Variants in EPB41L2 observed in about 807,000 individuals in gnomAD.
EPB41L2 encodes erythrocyte membrane protein band 4.1 like 2.
EPB41L2 carries 43 observed loss-of-function variants against 113.0 expected under a neutral mutation model. That is an observed-to-expected ratio of 0.38 (90% CI 0.30 to 0.49). The LOEUF (loss-of-function observed/expected upper bound fraction) is 0.49, where lower values mean the gene tolerates loss of function less well. Among genes scored for constraint, EPB41L2 ranks in the 20% least tolerant of loss-of-function variants. EPB41L2 has a pLI of 0.95. For synonymous variants in EPB41L2, 442 were observed against 436.7 expected, an observed-to-expected ratio of 1.01 and a Z score of -0.15; for missense variants, 1,147 against 1,223.4, an observed-to-expected ratio of 0.94 and a Z score of 0.93.
intron 19 of EPB41L2, among the ~76,000 whole-genome samples, chr6:130,856,339 T>C (rs1780206194): frequency 6.6e-6 from 1 of 152,160 alleles, no homozygotes; most frequent in Non-Finnish European, 1.5e-5. Flanking sequence ...GATCAGTATG[T>C]AGAATCTATC....
intron 3 of EPB41L2, among the ~76,000 whole-genome samples, chr6:130,938,686 AT>A (rs1275854988): frequency 6.6e-6 from 1 of 152,006 alleles, no homozygotes; most frequent in African/African-American, 2.4e-5. Flanking sequence ...AAATGCCTTT[AT>A]TTTTTTACTT....
intron 2 of EPB41L2, 151 bp downstream of exon 2, chr6:130,955,843 G>A (rs543174222): frequency 7.4e-7 from 1 of 1,349,940 alleles, no homozygotes; most frequent in East Asian, 2.3e-5. Context: ...AAAGGCTATG[G>A]TAGACCAATC....
At position 130,916,365 on chromosome 6, in the gene EPB41L2, G is replaced by A. The variant is rs183036240; in HGVS notation, c.811-7502C>T. Among the ~76,000 whole-genome samples, 25 of 151,952 alleles carry A rather than the reference G, an allele frequency of 1.6e-4. No individual in the cohort carries two copies. In the East Asian group the frequency reaches 3.7e-3, roughly 22 times the overall value. ...ATTTCCCCTACAACATTTTCATTAC[G>A]GGTTCCCAGAAAAAGTGTTAAACAT... On this transcript the variant is annotated intron_variant, in intron 4 of 19. Transcript: ENST00000337057.
At chr6:130,920,307 T>G (rs1463773561) in intron 4 of EPB41L2, among the ~76,000 whole-genome samples, 1 of 152,198 alleles carries the variant, frequency 6.6e-6, no homozygotes, top group African/African-American at 2.4e-5. Context: ...CTCTTTCAAG[T>G]GATCAATAGC....
intron 5 of EPB41L2, among the ~76,000 whole-genome samples, chr6:130,907,663 T>TA (rs1257769905): frequency 6.6e-6 from 1 of 150,692 alleles, no homozygotes; most frequent in Non-Finnish European, 1.5e-5. Context: ...ATGCTCAGAA[T>TA]AAAAAAAGAG....
At chr6:130,949,890 CCTT>C (rs1279237512) in intron 3 of EPB41L2, among the ~76,000 whole-genome samples, 4 of 152,188 alleles carry the variant, frequency 2.6e-5, no homozygotes, top group East Asian at 1.9e-4. Context: ...TATTTTCTCT[CCTT>C]CTTATTTTTT....
At chr6:131,029,200 T>A (rs1791520369) in intron 1 of EPB41L2, among the ~76,000 whole-genome samples, 1 of 152,122 alleles carries the variant, frequency 6.6e-6, no homozygotes, top group South Asian at 2.1e-4. Flanking sequence ...TCTCTCTACT[T>A]CCCAAAATTC....
chr6:130,849,439 T>C (rs1250657607), intron 19 of EPB41L2, among the ~76,000 whole-genome samples: 1 of 152,192 alleles, frequency 6.6e-6, no homozygotes, highest in Non-Finnish European at 1.5e-5. Context: ...AAATGTAGCA[T>C]TTGTGACTAA....
At chr6:130,853,222 C>T (rs1204152376) in intron 19 of EPB41L2, among the ~76,000 whole-genome samples, 1 of 152,188 alleles carries the variant, frequency 6.6e-6, no homozygotes, top group South Asian at 2.1e-4. Context: ...CAGGTGCTCA[C>T]TGATTTTGGA....
intron 14 of EPB41L2, chr6:130,876,743 T>C: frequency 7.7e-7 from 1 of 1,304,146 alleles, no homozygotes; most frequent in South Asian, 1.2e-5. Context: ...CCTTCACGGA[T>C]AAAATATCCT....
intron 1 of EPB41L2, among the ~76,000 whole-genome samples, chr6:131,001,313 G>GAGCGCA (rs1554328968): frequency 6.6e-6 from 1 of 151,712 alleles, no homozygotes; most frequent in Non-Finnish European, 1.5e-5. Flanking sequence ...GAGCAAGAGA[G>GAGCGCA]AGGGCAAGGG....
intron 1 of EPB41L2, among the ~76,000 whole-genome samples, chr6:131,060,802 G>C (rs1798502826): frequency 6.6e-6 from 1 of 151,854 alleles, no homozygotes; most frequent in Admixed American, 6.6e-5. Flanking sequence ...TTATTTTTTT[G>C]GTGGCCTCTC....
chr6:131,054,221 T>C (rs1391147210), intron 1 of EPB41L2, among the ~76,000 whole-genome samples: 2 of 152,192 alleles, frequency 1.3e-5, no homozygotes, highest in African/African-American at 2.4e-5. Flanking sequence ...TTCATCTCCT[T>C]ATGTTGTCAA....
intron 1 of EPB41L2, among the ~76,000 whole-genome samples, chr6:131,012,747 GCTAA>G (rs532874009): frequency 1.6e-4 from 25 of 152,174 alleles, no homozygotes; most frequent in Admixed American, 2.0e-4. Context: ...GATGCTAATT[GCTAA>G]CTGAGACCAC....
intron 3 of EPB41L2, among the ~76,000 whole-genome samples, chr6:130,946,242 C>T (rs1294254221): frequency 6.6e-6 from 1 of 152,144 alleles, no homozygotes; most frequent in Non-Finnish European, 1.5e-5. Flanking sequence ...AAAATTAACG[C>T]ATGGCTTAGC....
chr6:131,006,617 C>T (rs1584466466), intron 1 of EPB41L2, among the ~76,000 whole-genome samples: 1 of 91,296 alleles, frequency 1.1e-5, no homozygotes, highest in South Asian at 3.9e-4. Flanking sequence ...TTGCAGTGAG[C>T]CGAGATCGCA....
intron 12 of EPB41L2, chr6:130,880,823 T>A (rs1213476586): frequency 3.7e-6 from 1 of 273,490 alleles, no homozygotes; most frequent in Admixed American, 5.3e-5. Context: ...TCTGTTCTAA[T>A]TTGAAATGTC....
chr6:130,929,380 T>C (rs539952818), intron 3 of EPB41L2, among the ~76,000 whole-genome samples: 1 of 152,324 alleles, frequency 6.6e-6, no homozygotes, highest in South Asian at 2.1e-4. Context: ...TTCGGATGTT[T>C]ATAGAGACTG....
At chr6:131,059,423 A>G (rs1798250801) in intron 1 of EPB41L2, among the ~76,000 whole-genome samples, 1 of 152,186 alleles carries the variant, frequency 6.6e-6, no homozygotes, top group South Asian at 2.1e-4. Context: ...TATAATTCCT[A>G]AACAACTCTA....
Sources: allele counts gnomAD v4.1 joint callset (sites outside exome capture counted in the v4.1 genomes callset), GRCh38; gene constraint gnomAD v4.1.1; transcripts MANE v1.5; gene names NCBI Gene and HGNC (gene_info 2026-07-23, HGNC 2026-07-21).